Variants in ANKHD1 observed in about 807,000 individuals in gnomAD.
The protein encoded by ANKHD1 is ankyrin repeat and KH domain-containing protein 1.
A neutral mutation model predicts 230.5 loss-of-function variants in ANKHD1; 31 were observed. The observed-to-expected ratio is 0.13, with a 90% CI of 0.10 to 0.18. ANKHD1 has a LOEUF of 0.18. ANKHD1 is among the 10% of genes least tolerant of loss of function. The pLI is 1.00. For synonymous variants in ANKHD1, 1,074 were observed against 1,117.6 expected, an observed-to-expected ratio of 0.96 and a Z score of 0.78; for missense variants, 2,256 against 3,071.3, an observed-to-expected ratio of 0.73 and a Z score of 6.27.
intron 1 of ANKHD1, among the ~76,000 whole-genome samples, chr5:140,423,461 A>G (rs1772153425): frequency 6.6e-6 from 1 of 152,138 alleles, no homozygotes; most frequent in Non-Finnish European, 1.5e-5. Context: ...AGTAATTTAA[A>G]ATGGAAGGAT....
intron 24 of ANKHD1, among the ~76,000 whole-genome samples, chr5:140,521,005 A>C (rs1402158126): frequency 2.6e-5 from 4 of 152,236 alleles, no homozygotes; most frequent in African/African-American, 9.6e-5. Flanking sequence ...ACAAACTAAA[A>C]CATTGCCTTT....
At position 140,441,159 on chromosome 5, in the gene ANKHD1, G is replaced by A; in HGVS notation, c.913+17G>A. 1 of 1,518,712 alleles carries A rather than the reference G, an allele frequency of 6.6e-7. No homozygotes were observed. Among genetic ancestry groups the A allele is most frequent in the Non-Finnish European group, 8.8e-7 (1 of 1,136,370 alleles). 94.1% of individuals were successfully genotyped at this position (1,518,712 alleles called of 1,614,324 possible). A position where few individuals can be genotyped will look rare whatever the true frequency, so the allele number is the denominator to read the frequency against. ...CTGCAACAGGTATGTAGAAAATGAT[G>A]TATTAATTGGGAGAAAAAATTGACA... On this transcript the variant is annotated intron_variant, in intron 5 of 33. Transcript: ENST00000360839.
chr5:140,455,235 C>CA (rs1490833267), intron 7 of ANKHD1, among the ~76,000 whole-genome samples: 1 of 151,954 alleles, frequency 6.6e-6, no homozygotes, highest in Non-Finnish European at 1.5e-5. Context: ...GCCTACCAAC[C>CA]AAAAAAAGTC....
At chr5:140,533,395 G>A (rs1284984086) in intron 29 of ANKHD1, among the ~76,000 whole-genome samples, 9 of 152,070 alleles carry the variant, frequency 5.9e-5, no homozygotes, top group South Asian at 2.1e-4. Flanking sequence ...TCAGGAGATC[G>A]AGACCATCCT....
chr5:140,493,382 G>T (rs1197787495), intron 14 of ANKHD1, among the ~76,000 whole-genome samples: 1 of 152,112 alleles, frequency 6.6e-6, no homozygotes, highest in Non-Finnish European at 1.5e-5. Context: ...TTTTTAAATA[G>T]TACTTTATGA....
intron 1 of ANKHD1, among the ~76,000 whole-genome samples, chr5:140,420,669 C>T (rs1771903973): frequency 6.6e-6 from 1 of 152,158 alleles, no homozygotes. Context: ...TCTGGACTGT[C>T]TGTTCTATTC....
chr5:140,530,352 C>A (rs1277917590), intron 29 of ANKHD1, among the ~76,000 whole-genome samples: 1 of 152,132 alleles, frequency 6.6e-6, no homozygotes, highest in Non-Finnish European at 1.5e-5. Context: ...GCTGGGACTA[C>A]AGGCATGCGC....
chr5:140,420,763 G>T (rs1358342563), intron 1 of ANKHD1, among the ~76,000 whole-genome samples: 2 of 152,126 alleles, frequency 1.3e-5, no homozygotes, highest in African/African-American at 4.8e-5. Flanking sequence ...ATGAGAAAGT[G>T]TAAGTCTTCT....
intron 14 of ANKHD1, among the ~76,000 whole-genome samples, chr5:140,488,349 C>CT (rs1296921270): frequency 5.9e-5 from 9 of 152,088 alleles, no homozygotes; most frequent in Admixed American, 2.6e-4. Context: ...CTTTGAAAGG[C>CT]TGAGGCTGGT....
In ANKHD1 at chr5:140,539,129, A is replaced by T. The variant is rs374623347; in HGVS notation, c.7569+46A>T. ...TTTTGTTTTTTAGATTTGTCACATC[A>T]TTCTTTTTGTTTTGTGAGAAGTATA... On this transcript the variant is annotated intron_variant, in intron 33 of 33. Transcript: ENST00000360839. 155 of 1,559,610 alleles carry T rather than the reference A, an allele frequency of 9.9e-5. 1 individual carries two copies. In the African/African-American group the frequency reaches 2.0e-3, roughly 20 times the overall value.
At position 140,507,324 on chromosome 5, in the gene ANKHD1, TG is replaced by T. The variant is rs1273153460; in HGVS notation, c.3551+348del. Among the ~76,000 whole-genome samples the T allele has an allele frequency of 2.6e-5, 4 of 152,254 alleles. No homozygotes were observed. Among genetic ancestry groups the T allele is most frequent in the Non-Finnish European group, 4.4e-5 (3 of 68,044 alleles). The stretch of plus-strand genomic sequence containing the variant: ...TTTATTTTTTAAGTTATTTATTTTT[TG>T]AGATGGAGTTTCGCTCTTGTTGCCC... On this transcript the variant is annotated intron_variant, in intron 19 of 33. Coordinates refer to ENST00000360839, the MANE Select transcript of ANKHD1 (RefSeq NM_017747.3). This position sits in a 1 kb window ranked among gnomAD's most constrained non-coding sequence, Gnocchi z 4.1.
At chr5:140,509,869 C>T (rs1249108536) in intron 21 of ANKHD1, 57 bp downstream of exon 21, 3 of 1,564,278 alleles carry the variant, frequency 1.9e-6, no homozygotes. Flanking sequence ...CTTTTCAGAG[C>T]TTTTAAAGTT....
At position 140,485,577 on chromosome 5, in the gene ANKHD1, A is replaced by G; in HGVS notation, c.1999-12A>G. The G allele has an allele frequency of 3.1e-6, 5 of 1,611,760 alleles. No individual in the cohort carries two copies. Among genetic ancestry groups the G allele is most frequent in the Non-Finnish European group, 4.2e-6 (5 of 1,179,356 alleles). ...CTATAAAGAATTAATTATCATGGCA[A>G]TTCTTTTTCAGGATGGTTCAACAAT... On this transcript the variant is annotated splice_polypyrimidine_tract_variant and intron_variant, in intron 12 of 33. Transcript: ENST00000360839. This position sits in a 1 kb window ranked among gnomAD's most constrained non-coding sequence, Gnocchi z 4.8.
At chr5:140,442,525 A>C (rs1773942273) in intron 5 of ANKHD1, among the ~76,000 whole-genome samples, 2 of 152,068 alleles carry the variant, frequency 1.3e-5, no homozygotes, top group African/African-American at 4.8e-5. Context: ...ATTTATTTGA[A>C]CTGAGCAGCT....
rs1274147238 is a variant in ANKHD1, at chr5:140,535,081, A to G, written c.6851-281A>G. ...AAAAGCTTTGAGATTCATCTAGAAC[A>G]TTACTCCAGGTGACTGACACTCTTA... On this transcript the variant is annotated intron_variant, in intron 29 of 33. Coordinates refer to ENST00000360839, the MANE Select transcript of ANKHD1 (RefSeq NM_017747.3). Among the ~76,000 whole-genome samples the G allele has an allele frequency of 2.0e-5, 3 of 152,136 alleles. No homozygotes were observed. The East Asian group carries it at 5.8e-4, about 29-fold the overall frequency.
In ANKHD1 at chr5:140,485,568, A is replaced by T. The variant is rs762009665; in HGVS notation, c.1999-21A>T. The T allele has an allele frequency of 3.1e-6, 5 of 1,611,440 alleles. No individual in the cohort carries two copies. Among genetic ancestry groups the T allele is most frequent in the Non-Finnish European group, 2.5e-6 (3 of 1,179,290 alleles). On this transcript the variant is annotated intron_variant, in intron 12 of 33. Transcript: ENST00000360839. The surrounding 1 kb of genome is among the most constrained non-coding windows in gnomAD (Gnocchi z 4.8). Reference sequence around the variant, plus strand: ...GCTAAGAAACTATAAAGAATTAATTATCATGGCAATTCTTTTTCAGGATGG... The same window carrying T: ...GCTAAGAAACTATAAAGAATTAATTTTCATGGCAATTCTTTTTCAGGATGG...
intron 29 of ANKHD1, among the ~76,000 whole-genome samples, chr5:140,535,014 T>C (rs1429773567): frequency 6.6e-6 from 1 of 152,210 alleles, no homozygotes; most frequent in Non-Finnish European, 1.5e-5. Context: ...TGTTGGGTGC[T>C]ACTTAGTTAC....
chr5:140,477,758 C>G (rs1023535061), intron 10 of ANKHD1, among the ~76,000 whole-genome samples: 7 of 151,994 alleles, frequency 4.6e-5, no homozygotes, highest in African/African-American at 1.5e-4. Context: ...ATTACAGGCA[C>G]CTGCCTCCGC....
chr5:140,486,874 C>T, intron 13 of ANKHD1, 84 bp from the exon 14 acceptor site: 2 of 1,383,312 alleles, frequency 1.4e-6, no homozygotes, highest in Non-Finnish European at 1.9e-6. Flanking sequence ...ATGAAGATAA[C>T]CTAAAACAGG....
Sources: gnomAD v4.1 joint callset for allele counts (sites outside exome capture counted in the v4.1 genomes callset) on GRCh38, gnomAD v4.1.1 for gene constraint, Gnocchi (gnomAD v3.1) non-coding constraint, MANE v1.5 for transcripts, NCBI Gene and HGNC (gene_info 2026-07-23, HGNC 2026-07-21) for gene names.